Variants in TUBAL3 observed in about 807,000 individuals in gnomAD.
TUBAL3 encodes the protein tubulin alpha like 3.
Under a neutral mutation model 15.5 loss-of-function variants are expected in TUBAL3, and 16 were observed. The observed-to-expected ratio is 1.04, with a 90% CI of 0.70 to 1.57. TUBAL3 has a LOEUF of 1.57. Ranked by LOEUF, TUBAL3 falls within the 40% of genes most tolerant of loss-of-function variation. The pLI, the probability that TUBAL3 is intolerant of heterozygous loss-of-function variation, is 0.00. For synonymous variants in TUBAL3, 238 were observed against 224.3 expected, an observed-to-expected ratio of 1.06 and a Z score of -0.55; for missense variants, 609 against 576.2, an observed-to-expected ratio of 1.06 and a Z score of -0.58.
intron 2 of TUBAL3, among the ~76,000 whole-genome samples, chr10:5,398,729 C>T (rs1588413870): frequency 1.3e-5 from 2 of 149,196 alleles, no homozygotes; most frequent in Admixed American, 1.4e-4. Flanking sequence ...AATTGGTAAA[C>T]GTTCTTAAAA....
At chr10:5,398,338 T>C (rs1554814328) in intron 2 of TUBAL3, among the ~76,000 whole-genome samples, 1 of 149,010 alleles carries the variant, frequency 6.7e-6, no homozygotes, top group African/African-American at 2.5e-5. Context: ...GGGAATTGCT[T>C]GAACCCGGGA....
At chr10:5,400,563 G>A (rs1391198728) in intron 2 of TUBAL3, among the ~76,000 whole-genome samples, 2 of 152,120 alleles carry the variant, frequency 1.3e-5, no homozygotes, top group Admixed American at 6.5e-5. Context: ...CCCAGGAGAC[G>A]GAGGTTGCAG....
At chr10:5,398,264 T>C (rs1408333295) in intron 2 of TUBAL3, among the ~76,000 whole-genome samples, 1 of 151,626 alleles carries the variant, frequency 6.6e-6, no homozygotes, top group African/African-American at 2.4e-5. Flanking sequence ...CTACTAAAAA[T>C]ACAAAATTAG....
chr10:5,398,962 G>A (rs1250703782), intron 2 of TUBAL3, among the ~76,000 whole-genome samples: 2 of 152,046 alleles, frequency 1.3e-5, no homozygotes, highest in African/African-American at 4.8e-5. Context: ...AATTTTATAT[G>A]GCTCAATTTC....
At position 5,404,796 on chromosome 10, in the gene TUBAL3, G is replaced by A; in HGVS notation, c.-4C>T. ...TAGGCGTGTAGTCACTTACCATGCT[G>A]ATGAGAACGTGCCCTTCCTGCCCTG... On this transcript the variant is annotated 5_prime_UTR_variant, in exon 1 of 4. Coordinates refer to ENST00000380419, the MANE Select transcript of TUBAL3 (RefSeq NM_024803.3). The A allele has an allele frequency of 6.2e-7, 1 of 1,613,664 alleles. No individual in the cohort carries two copies. Among genetic ancestry groups the A allele is most frequent in the Non-Finnish European group, 8.5e-7 (1 of 1,179,718 alleles).
At position 5,395,963 on chromosome 10, in the gene TUBAL3, G is replaced by T. The variant is rs1199927701; in HGVS notation, c.248-488C>A. ...CATACAAGCCTTTTCCCCTGTATGTGTGTCTGTGCTCTCTCCTCTGATAAG... is the reference window on the plus strand; with the variant it reads ...CATACAAGCCTTTTCCCCTGTATGTTTGTCTGTGCTCTCTCCTCTGATAAG... On this transcript the variant is annotated intron_variant, in intron 2 of 3. Coordinates refer to ENST00000380419, the MANE Select transcript of TUBAL3 (RefSeq NM_024803.3). This position sits in a 1 kb window ranked among gnomAD's most constrained non-coding sequence, Gnocchi z 4.6. Among the ~76,000 whole-genome samples, 1 of 152,112 alleles carries T rather than the reference G, an allele frequency of 6.6e-6. No individual in the cohort carries two copies. Among genetic ancestry groups the T allele is most frequent in the Non-Finnish European group, 1.5e-5 (1 of 68,020 alleles).
intron 1 of TUBAL3, among the ~76,000 whole-genome samples, chr10:5,403,640 G>A (rs910995041): frequency 3.9e-5 from 6 of 152,038 alleles, no homozygotes; most frequent in Middle Eastern, 3.2e-3. Context: ...GAATAGCCTG[G>A]ACTAACAAGC....
rs782325700 is a variant in TUBAL3, at chr10:5,401,101, T to C, written c.4-14A>G. ...AAGGCACTCCCTCTAAAATAAGTCA[T>C]GGTGAGTTGGAACTGAGCAGGTGTT... On this transcript the variant is annotated splice_polypyrimidine_tract_variant and intron_variant, in intron 1 of 3. Transcript: ENST00000380419. 35 of 1,613,480 alleles carry C rather than the reference T, an allele frequency of 2.2e-5. No individual in the cohort carries two copies. Among genetic ancestry groups the C allele is most frequent in the Non-Finnish European group, 2.6e-5 (31 of 1,179,870 alleles).
Position 5,395,348 on chromosome 10 carries a change from C to T in TUBAL3, c.375G>A (p.Val125=), listed in dbSNP as rs781992420. 4 of 1,580,362 alleles carry T rather than the reference C, an allele frequency of 2.5e-6. No individual in the cohort carries two copies. The Admixed American group carries it at 6.9e-5, about 27-fold the overall frequency. ...TTGCCAGCTTCCGGGTCCTCTCCAG[C>T]ACAAGGTCGATGACCTCCGACCCCA... ...YSVGSEVIDL[V]LERTRKLAEQ... is the part of the protein sequence containing the mutation. Residue 125 remains valine, a synonymous_variant, in exon 3 of 4, where the codon GTG becomes GTA. Coordinates refer to ENST00000380419, the MANE Select transcript of TUBAL3 (RefSeq NM_024803.3). This position sits in a 1 kb window ranked among gnomAD's most constrained non-coding sequence, Gnocchi z 4.6.
At chr10:5,398,108 G>C (rs1564451367) in intron 2 of TUBAL3, among the ~76,000 whole-genome samples, 2 of 152,078 alleles carry the variant, frequency 1.3e-5, no homozygotes, top group Non-Finnish European at 2.9e-5. Flanking sequence ...GCAATATAGT[G>C]AGACCCTATC....
intron 2 of TUBAL3, among the ~76,000 whole-genome samples, chr10:5,400,449 T>C (rs900288126): frequency 2.0e-5 from 3 of 151,998 alleles, no homozygotes; most frequent in Non-Finnish European, 2.9e-5. Flanking sequence ...CTGGCCAACA[T>C]AGTGAAACTC....
chr10:5,404,818 C>G lies in TUBAL3; in HGVS notation c.-26G>C. ...GCTGATGAGAACGTGCCCTTCCTGCCCTGTAGTAATGACTGAGGAGCCTCC... is the reference window on the plus strand; with the variant it reads ...GCTGATGAGAACGTGCCCTTCCTGCGCTGTAGTAATGACTGAGGAGCCTCC... On this transcript the variant is annotated 5_prime_UTR_variant, in exon 1 of 4. Transcript: ENST00000380419. 1 of 1,613,018 alleles carries G rather than the reference C, an allele frequency of 6.2e-7. No individual in the cohort carries two copies. Among genetic ancestry groups the G allele is most frequent in the South Asian group, 1.1e-5 (1 of 90,936 alleles).
In TUBAL3 at chr10:5,400,914, GA is replaced by G. The variant is rs1831840519; in HGVS notation, c.176del (p.Phe59SerfsTer24). 3 of 1,614,112 alleles carry G rather than the reference GA, an allele frequency of 1.9e-6. No homozygotes were observed. The South Asian group carries it at 3.3e-5, about 18-fold the overall frequency. The part of the protein sequence containing the change: ...MEHTNASFDT[F>X]FCETRAGKHV... ...GCTTCCCAGCTCTTGTCTCACAGAA[GA>G]AGGTATCGAAAGATGCATTTGTGTG... On this transcript the variant is annotated frameshift_variant, in exon 2 of 4. Transcript: ENST00000380419. LOFTEE classifies it high-confidence loss of function.
Position 5,394,563 on chromosome 10 carries a change from C to T in TUBAL3, c.397-102G>A. ...ACAACAGGTTTCCCCAAAACAAAAT[C>T]TTTCAGAAAGGACTCCTTTGCCTTT... On this transcript the variant is annotated intron_variant, in intron 3 of 3. Coordinates refer to ENST00000380419, the MANE Select transcript of TUBAL3 (RefSeq NM_024803.3). The surrounding 1 kb of genome is among the most constrained non-coding windows in gnomAD (Gnocchi z 4.3). The T allele has an allele frequency of 9.1e-7, 1 of 1,099,642 alleles. No homozygotes were observed. The highest frequency in any genetic ancestry group is 1.3e-6 in the Non-Finnish European group (1 of 782,478). The allele number at this position is 1,099,642 out of a possible 1,614,324, so 68.1% of individuals were successfully genotyped here.
At chr10:5,401,219 A>G in intron 1 of TUBAL3, 132 bp from the exon 2 acceptor site, 1 of 1,130,998 alleles carries the variant, frequency 8.8e-7, no homozygotes, top group East Asian at 2.5e-5. Context: ...TTATAAGGAT[A>G]ATCAAAAGCG....
rs1564451219 is a variant in TUBAL3, at chr10:5,397,635, A to C, written c.248-2160T>G. Among the ~76,000 whole-genome samples the C allele has an allele frequency of 6.6e-6, 1 of 152,162 alleles. No individual in the cohort carries two copies. Among genetic ancestry groups the C allele is most frequent in the Non-Finnish European group, 1.5e-5 (1 of 68,010 alleles). On this transcript the variant is annotated intron_variant, in intron 2 of 3. Coordinates refer to ENST00000380419, the MANE Select transcript of TUBAL3 (RefSeq NM_024803.3). This position sits in a 1 kb window ranked among gnomAD's most constrained non-coding sequence, Gnocchi z 4.9. ...CGGGCACAGGTTGCTCAGGGGCTTT[A>C]CTACCCAGCATGGTGCCCTTAATCA...
At position 5,395,619 on chromosome 10, in the gene TUBAL3, C is replaced by T. The variant is rs1437326626; in HGVS notation, c.248-144G>A. ...GTCCAGGAATGGAATTTAGATAGTG[C>T]TGAATTAGCCCGTCTTAGTCCAGGA... On this transcript the variant is annotated intron_variant, in intron 2 of 3. Coordinates refer to ENST00000380419, the MANE Select transcript of TUBAL3 (RefSeq NM_024803.3). The surrounding 1 kb of genome is among the most constrained non-coding windows in gnomAD (Gnocchi z 4.6). The T allele has an allele frequency of 1.1e-5, 10 of 910,516 alleles. No homozygotes were observed. In the African/African-American group the frequency reaches 1.7e-4, roughly 16 times the overall value. The allele number at this position is 910,516 out of a possible 1,614,324, so 56.4% of individuals were successfully genotyped here. A position where few individuals can be genotyped will look rare whatever the true frequency, so the allele number is the denominator to read the frequency against.
In TUBAL3 at chr10:5,393,541, A is replaced by G; in HGVS notation, c.1317T>C (p.Tyr439=). Residue 439 remains tyrosine, a synonymous_variant, in exon 4 of 4, where the codon TAT becomes TAC. Transcript: ENST00000380419. The part of the protein sequence containing the change: ...REDLAALERD[Y]EEVAQSF ...CTCAGAAACTTTGCGCCACTTCCTC[A>G]TAGTCCCTCTCCAGGGCTGCCAGAT... 1 of 1,611,028 alleles carries G rather than the reference A, an allele frequency of 6.2e-7. No homozygotes were observed. The highest frequency in any genetic ancestry group is 1.1e-5 in the South Asian group (1 of 90,564).
In TUBAL3 at chr10:5,394,552, C is replaced by A. The variant is rs1831734187; in HGVS notation, c.397-91G>T. On this transcript the variant is annotated intron_variant, in intron 3 of 3. Coordinates refer to ENST00000380419, the MANE Select transcript of TUBAL3 (RefSeq NM_024803.3). The surrounding 1 kb of genome is among the most constrained non-coding windows in gnomAD (Gnocchi z 4.3). ...AGTGGCAGGATACAACAGGTTTCCC[C>A]AAAACAAAATCTTTCAGAAAGGACT... 5.7e-6 allele frequency: 7 copies of A among 1,220,060 alleles called. No homozygotes were observed. The South Asian group carries it at 9.4e-5, about 16-fold the overall frequency. The allele number at this position is 1,220,060 out of a possible 1,614,324, so 75.6% of individuals were successfully genotyped here.
Sources: gnomAD v4.1 joint callset for allele counts (sites outside exome capture counted in the v4.1 genomes callset) on GRCh38, gnomAD v4.1.1 for gene constraint, Gnocchi (gnomAD v3.1) non-coding constraint, MANE v1.5 for transcripts, NCBI Gene and HGNC (gene_info 2026-07-23, HGNC 2026-07-21) for gene names.